Variants in QRICH1 observed in about 807,000 individuals in gnomAD.
The protein encoded by QRICH1 is transcriptional regulator QRICH1.
Under a neutral mutation model 87.1 loss-of-function variants are expected in QRICH1, and 16 were observed. The ratio of observed to expected loss-of-function variants is 0.18; its 90% CI spans 0.12 to 0.28. The LOEUF (loss-of-function observed/expected upper bound fraction) is 0.28, where lower values mean the gene tolerates loss of function less well. Ranked by LOEUF, QRICH1 falls within the 10% of genes least tolerant of loss-of-function variation. The pLI, the probability that QRICH1 is intolerant of heterozygous loss-of-function variation, is 1.00. For missense variants in QRICH1, 647 were observed against 951.7 expected (o/e 0.68, Z 4.21); for synonymous variants, 367 against 368.4 (o/e 1.00, Z 0.05).
chr3:49,060,142 CA>C (rs2093426599), intron 2 of QRICH1, among the ~76,000 whole-genome samples: 1 of 151,296 alleles, frequency 6.6e-6, no homozygotes, highest in African/African-American at 2.4e-5. Context: ...CTCGGCCTCC[CA>C]AAGTGCTGGG....
At chr3:49,032,853 C>G in intron 7 of QRICH1, 80 bp from the exon 8 acceptor site, 1 of 1,477,930 alleles carries the variant, frequency 6.8e-7, no homozygotes, top group Admixed American at 2.2e-5. Context: ...ACTGGTGCTT[C>G]AGAGGAGCCA....
At chr3:49,049,734 G>A (rs1051373903) in intron 3 of QRICH1, among the ~76,000 whole-genome samples, 15 of 151,414 alleles carry the variant, frequency 9.9e-5, no homozygotes, top group African/African-American at 2.7e-4. Flanking sequence ...CCGACCTCAG[G>A]TGATCCGTCT....
At chr3:49,075,751 C>T (rs1418605947) in intron 2 of QRICH1, among the ~76,000 whole-genome samples, 1 of 152,080 alleles carries the variant, frequency 6.6e-6, no homozygotes, top group African/African-American at 2.4e-5. Flanking sequence ...GAGTTCAAGC[C>T]CAACATGGGG....
In QRICH1 at chr3:49,033,158, G is replaced by T; in HGVS notation, c.1857C>A (p.Pro619=). Residue 619 remains proline, a synonymous_variant, in exon 7 of 10, where the codon CCC becomes CCA. Coordinates refer to ENST00000395443, the MANE Select transcript of QRICH1 (RefSeq NM_198880.3). The stretch of plus-strand genomic sequence containing the variant: ...ACATGAGGGTGGTCAGCAAGGTGGA[G>T]GGGGAGTGAGCCCCAAGCTGCTTGC... ...WECKQLGAHS[P]STLLTTLMFF... is the part of the protein sequence containing the mutation. The T allele has an allele frequency of 6.3e-7, 1 of 1,581,630 alleles. No individual in the cohort carries two copies. Among genetic ancestry groups the T allele is most frequent in the Non-Finnish European group, 8.6e-7 (1 of 1,165,742 alleles).
chr3:49,038,408 GATTTA>G (rs1282284837), intron 6 of QRICH1, among the ~76,000 whole-genome samples: 13 of 151,274 alleles, frequency 8.6e-5, no homozygotes, highest in Admixed American at 7.2e-4. Context: ...CTTTTTTGTT[GATTTA>G]ATTATTATTA....
chr3:49,053,486 C>CAAAAAAA (rs11417565), intron 3 of QRICH1, among the ~76,000 whole-genome samples: 1 of 112,916 alleles, frequency 8.9e-6, no homozygotes. Context: ...CCCCCTGTCT[C>CAAAAAAA]AAAAAAAAAA....
At chr3:49,089,943 C>T (rs950565897) in intron 1 of QRICH1, among the ~76,000 whole-genome samples, 29 of 152,204 alleles carry the variant, frequency 1.9e-4, no homozygotes, top group African/African-American at 6.8e-4. Flanking sequence ...CCAGCATTTA[C>T]TTTATAATTT....
chr3:49,033,993 C>CA (rs977551821), intron 6 of QRICH1, among the ~76,000 whole-genome samples: 7 of 149,100 alleles, frequency 4.7e-5, no homozygotes, highest in African/African-American at 1.2e-4. Flanking sequence ...ATCTCAAAAA[C>CA]AAAAAAACAA....
chr3:49,076,524 TAAA>T (rs55985504), intron 2 of QRICH1, among the ~76,000 whole-genome samples, 182 bp downstream of exon 2: 7 of 144,432 alleles, frequency 4.8e-5, no homozygotes, highest in African/African-American at 5.1e-5. Flanking sequence ...GGGGTTTGTT[TAAA>T]AAAAAAAAAA....
At chr3:49,055,164 GATA>G (rs1286824610) in intron 3 of QRICH1, among the ~76,000 whole-genome samples, 3 of 152,088 alleles carry the variant, frequency 2.0e-5, no homozygotes, top group African/African-American at 7.2e-5. Context: ...TGTCACCTAG[GATA>G]ATATGATACT....
intron 2 of QRICH1, among the ~76,000 whole-genome samples, chr3:49,063,559 C>G (rs1282711614): frequency 2.0e-5 from 3 of 152,178 alleles, no homozygotes; most frequent in South Asian, 4.1e-4. Context: ...GAGGCCAAGG[C>G]AGGAAAACTG....
At chr3:49,085,872 A>C (rs1399274907) in intron 1 of QRICH1, among the ~76,000 whole-genome samples, 2 of 152,144 alleles carry the variant, frequency 1.3e-5, no homozygotes, top group African/African-American at 2.4e-5. Context: ...GAGCCTTCGT[A>C]ATAAAGAGAA....
At chr3:49,082,192 C>T (rs974273385) in intron 1 of QRICH1, among the ~76,000 whole-genome samples, 1 of 152,192 alleles carries the variant, frequency 6.6e-6, no homozygotes, top group Admixed American at 6.6e-5. Context: ...TCTGCCCAAC[C>T]TCCCAAAGTG....
chr3:49,056,668 A>C, intron 3 of QRICH1, 194 bp downstream of exon 3: 18 of 982,146 alleles, frequency 1.8e-5, no homozygotes, highest in East Asian at 2.4e-5. Context: ...ATTTACCTCC[A>C]GGTACCAGGA....
At chr3:49,064,537 G>A (rs1345476356) in intron 2 of QRICH1, among the ~76,000 whole-genome samples, 1 of 151,770 alleles carries the variant, frequency 6.6e-6, no homozygotes, top group East Asian at 2.0e-4. Flanking sequence ...ACAGGCATGA[G>A]CCACCACGCC....
At position 49,076,972 on chromosome 3, in the gene QRICH1, G is replaced by T. The variant is rs763953500; in HGVS notation, c.46C>A (p.Arg16=). Residue 16 remains arginine, a synonymous_variant, in exon 2 of 10, where the codon CGA becomes AGA. Transcript: ENST00000395443. The part of the protein sequence containing the change: ...ENTISFEEYI[R]VKARSVPQHR... The stretch of plus-strand genomic sequence containing the variant: ...TGCGGGACAGACCGTGCCTTTACTC[G>T]GATGTACTCTTCAAAGGAGATGGTG... The T allele has an allele frequency of 6.4e-7, 1 of 1,571,898 alleles. No individual in the cohort carries two copies. The highest frequency in any genetic ancestry group is 8.7e-7 in the Non-Finnish European group (1 of 1,153,316).
At chr3:49,076,580 C>T in intron 2 of QRICH1, 129 bp downstream of exon 2, 1 of 956,250 alleles carries the variant, frequency 1.0e-6, no homozygotes, top group Non-Finnish European at 1.4e-6. Context: ...TTTTAGTCCA[C>T]ATTAACTTTG....
At chr3:49,091,980 G>A (rs948250336) in intron 1 of QRICH1, among the ~76,000 whole-genome samples, 8 of 152,004 alleles carry the variant, frequency 5.3e-5, no homozygotes, top group South Asian at 2.1e-4. Context: ...ACTGAGGCAG[G>A]AGAATCGCTT....
intron 2 of QRICH1, chr3:49,058,117 C>CA: frequency 1.5e-6 from 1 of 686,336 alleles, no homozygotes; most frequent in Non-Finnish European, 2.3e-6. Flanking sequence ...GCAAGCAAGA[C>CA]AATTAACTGG....
Sources: allele counts gnomAD v4.1 joint callset (sites outside exome capture counted in the v4.1 genomes callset), GRCh38; gene constraint gnomAD v4.1.1; transcripts MANE v1.5; gene names NCBI Gene and HGNC (gene_info 2026-07-23, HGNC 2026-07-21).